ENKUR: variants seen among roughly 807,000 people sequenced by gnomAD.
ENKUR encodes the protein enkurin.
ENKUR carries 19 observed loss-of-function variants against 27.6 expected under a neutral mutation model. That is an observed-to-expected ratio of 0.69 (90% CI 0.48 to 1.01). The LOEUF (loss-of-function observed/expected upper bound fraction) is 1.01, where lower values mean the gene tolerates loss of function less well. Ranked by LOEUF, ENKUR falls within the 50% of genes least tolerant of loss-of-function variation. The probability of loss-of-function intolerance (pLI) is 0.00; values close to 1 mark genes in which losing one functional copy is unlikely to be tolerated. For missense variants in ENKUR, 312 were observed against 310.5 expected (o/e 1.00, Z -0.04); for synonymous variants, 117 against 96.9 (o/e 1.21, Z -1.22).
At chr10:25,042,593 C>G (rs1851077341) in intron 2 of ENKUR, among the ~76,000 whole-genome samples, 1 of 151,744 alleles carries the variant, frequency 6.6e-6, no homozygotes, top group Admixed American at 6.6e-5. Context: ...CCATGCCTGG[C>G]CCTGAAAAAA....
chr10:25,033,776 G>A (rs963575670), intron 2 of ENKUR, among the ~76,000 whole-genome samples: 3 of 152,186 alleles, frequency 2.0e-5, no homozygotes, highest in African/African-American at 7.2e-5. Context: ...ATTTAGAAAT[G>A]TATGGCCTGA....
rs576215343 is a variant in ENKUR, at chr10:25,016,151, T to A, written c.-215A>T. 2.0e-5 allele frequency: 24 copies of A among 1,218,328 alleles called. No homozygotes were observed. The Admixed American group carries it at 2.6e-4, about 13-fold the overall frequency. The allele number at this position is 1,218,328 out of a possible 1,614,324, so 75.5% of individuals were successfully genotyped here. A position where few individuals can be genotyped will look rare whatever the true frequency, so the allele number is the denominator to read the frequency against. ...TTTCTCTCCGGATTGCTAAGCGTCG[T>A]TGACTGTGCGGTTGCCGTGGAAACC... On this transcript the variant is annotated 5_prime_UTR_variant, in exon 1 of 6. Coordinates refer to ENST00000331161, the MANE Select transcript of ENKUR (RefSeq NM_145010.4).
At chr10:24,993,992 C>T (rs544393912) in intron 3 of ENKUR, among the ~76,000 whole-genome samples, 1 of 152,234 alleles carries the variant, frequency 6.6e-6, no homozygotes, top group African/African-American at 2.4e-5. Context: ...GACTATAAAA[C>T]AGTTTCCAGG....
At chr10:25,062,233 CTTG>C (rs1198949491) in exon 1 of ENKUR, 9 of 151,860 alleles carry the variant, frequency 5.9e-5, no homozygotes, top group Admixed American at 5.9e-4. Flanking sequence ...GCAAGTAGGA[CTTG>C]TTGCTCTCTT....
rs1849906555 is a variant in ENKUR, at chr10:24,990,607, A to T, written c.450T>A (p.Asp150Glu). The T allele has an allele frequency of 2.5e-6, 4 of 1,594,580 alleles. No homozygotes were observed. Among genetic ancestry groups the T allele is most frequent in the Non-Finnish European group, 2.6e-6 (3 of 1,175,178 alleles). ...ATATGTATTCAGGTGTGACACCATA[A>T]TCCTAAAAAGATTTTGCAGAAAAAA... The part of the protein sequence containing the change: ...GLVPKYINKK[D>E]YGVTPEYICK... The change falls in exon 4 of 6, where the codon GAT (aspartate) becomes GAA (glutamate). Residue 150 changes from aspartate to glutamate, a missense_variant and splice_region_variant. Asp to Glu is a conservative substitution (Grantham distance 45, BLOSUM62 2). Coordinates refer to ENST00000331161, the MANE Select transcript of ENKUR (RefSeq NM_145010.4).
chr10:25,001,132 T>C (rs1490794791), intron 1 of ENKUR, among the ~76,000 whole-genome samples: 2 of 152,088 alleles, frequency 1.3e-5, no homozygotes, highest in African/African-American at 2.4e-5. Context: ...TTTACCCATA[T>C]ATTTGCCATT....
intron 2 of ENKUR, among the ~76,000 whole-genome samples, chr10:25,037,702 A>T (rs1384265207): frequency 1.3e-5 from 2 of 151,954 alleles, no homozygotes; most frequent in Admixed American, 6.6e-5. Context: ...ATTTCCTTAA[A>T]ATGACCTCCT....
At chr10:25,017,960 A>C (rs927316583), upstream of ENKUR, among the ~76,000 whole-genome samples, 3 of 152,246 alleles carry the variant, frequency 2.0e-5, no homozygotes, top group African/African-American at 7.2e-5. Flanking sequence ...TCTAATTAGA[A>C]GGAACACCTT....
rs1371573202 is a variant in ENKUR, at chr10:25,042,268, A to ATT, written c.37+18842_37+18843dup. On this transcript the variant is annotated intron_variant, in intron 2 of 5. Transcript: ENST00000615958. Reference sequence around the variant, plus strand: ...AATTTTCTGTACTATCTTTGGAAAGATTTTTTTTTTTTGAGTCAGAGTCTC... The same window carrying ATT: ...AATTTTCTGTACTATCTTTGGAAAGATTTTTTTTTTTTTTGAGTCAGAGTCTC... Among the ~76,000 whole-genome samples the ATT allele has an allele frequency of 3.5e-5, 5 of 141,948 alleles. No individual in the cohort carries two copies. The East Asian group carries it at 1.0e-3, about 29-fold the overall frequency. The allele number at this position is 141,948 out of a possible 152,430, so 93.1% of individuals were successfully genotyped here. A position where few individuals can be genotyped will look rare whatever the true frequency, so the allele number is the denominator to read the frequency against.
intron 1 of ENKUR, among the ~76,000 whole-genome samples, chr10:25,004,870 CT>C (rs1391545241): frequency 3.9e-5 from 6 of 152,194 alleles, no homozygotes; most frequent in Non-Finnish European, 7.3e-5. Flanking sequence ...CCTAGGTTGT[CT>C]TCCAGGATTT....
chr10:25,018,909 A>G (rs766617095), upstream of ENKUR, among the ~76,000 whole-genome samples: 1 of 152,172 alleles, frequency 6.6e-6, no homozygotes, highest in Non-Finnish European at 1.5e-5. Context: ...AGTAATATAA[A>G]GACTAAGTGA....
At chr10:25,009,020 A>G (rs1463268543) in intron 1 of ENKUR, among the ~76,000 whole-genome samples, 2 of 151,962 alleles carry the variant, frequency 1.3e-5, no homozygotes, top group African/African-American at 4.8e-5. Context: ...AAAACCAAAC[A>G]CCGCATGTTC....
chr10:25,032,315 G>C (rs10764519), intron 2 of ENKUR, among the ~76,000 whole-genome samples: 2 of 126,208 alleles, frequency 1.6e-5, no homozygotes, highest in East Asian at 2.1e-4. Flanking sequence ...GAGTAAAGAA[G>C]GGGGGGGGGC....
At chr10:25,027,693 A>G (rs948216347) in intron 2 of ENKUR, among the ~76,000 whole-genome samples, 1 of 152,100 alleles carries the variant, frequency 6.6e-6, no homozygotes, top group Admixed American at 6.5e-5. Flanking sequence ...GTTCAAGATC[A>G]GCCTGGTGAA....
chr10:24,985,878 G>A (rs777924452), intron 4 of ENKUR, among the ~76,000 whole-genome samples: 4 of 152,096 alleles, frequency 2.6e-5, no homozygotes, highest in Non-Finnish European at 5.9e-5. Context: ...GACCAGTGTG[G>A]GCAACATGGC....
chr10:25,039,896 T>TA (rs1474054844), intron 2 of ENKUR, among the ~76,000 whole-genome samples: 2 of 147,250 alleles, frequency 1.4e-5, no homozygotes, highest in African/African-American at 5.1e-5. Context: ...CATGTATACA[T>TA]ATGTAACAAA....
chr10:24,983,577 A>C lies in ENKUR; in HGVS notation c.*793T>G, dbSNP rs1475135654. 6.6e-6 allele frequency: 1 copy of C among 152,250 alleles called. No homozygotes were observed. Among genetic ancestry groups the C allele is most frequent in the Non-Finnish European group, 1.5e-5 (1 of 68,042 alleles). The allele number at this position is 152,250 out of a possible 1,614,324, so 9.4% of individuals were successfully genotyped here. A position where few individuals can be genotyped will look rare whatever the true frequency, so the allele number is the denominator to read the frequency against. On this transcript the variant is annotated 3_prime_UTR_variant, in exon 6 of 6. Transcript: ENST00000331161. Reference sequence around the variant, plus strand: ...CTGCCCTAAGTTAATAAAGGAATAAAGATACTCATATGGACAAGTTTCAAG... The same window carrying C: ...CTGCCCTAAGTTAATAAAGGAATAACGATACTCATATGGACAAGTTTCAAG...
upstream of ENKUR, among the ~76,000 whole-genome samples, chr10:25,020,904 A>T (rs1245525596): frequency 6.6e-6 from 1 of 152,218 alleles, no homozygotes; most frequent in Non-Finnish European, 1.5e-5. Context: ...AGACTGTTTT[A>T]TGTAAGTGCC....
intron 3 of ENKUR, among the ~76,000 whole-genome samples, chr10:24,993,779 T>C (rs1055362455): frequency 5.9e-5 from 9 of 152,252 alleles, no homozygotes; most frequent in Non-Finnish European, 1.5e-5. Context: ...CCATGATGGA[T>C]ACTCCAAATT....
Sources: gnomAD v4.1 joint callset for allele counts (sites outside exome capture counted in the v4.1 genomes callset) on GRCh38, gnomAD v4.1.1 for gene constraint, MANE v1.5 for transcripts, NCBI Gene and HGNC (gene_info 2026-07-23, HGNC 2026-07-21) for gene names.